Variants in PRMT7 observed in about 807,000 individuals in gnomAD.
The protein encoded by PRMT7 is protein arginine N-methyltransferase 7.
Under a neutral mutation model 85.4 loss-of-function variants are expected in PRMT7, and 75 were observed. The observed-to-expected ratio is 0.88, with a 90% CI of 0.73 to 1.06. PRMT7 has a LOEUF of 1.06. Among genes scored for constraint, PRMT7 ranks in the 50% least tolerant of loss-of-function variants. PRMT7 has a pLI of 0.00. For synonymous variants in PRMT7, 397 were observed against 359.5 expected, an observed-to-expected ratio of 1.10 and a Z score of -1.18; for missense variants, 868 against 915.2, an observed-to-expected ratio of 0.95 and a Z score of 0.67.
rs752785196 is a variant in PRMT7, at chr16:68,355,897, G to A, written c.1811+14G>A. ...GGAGCTCAGAAGGTGGGTGCAGAGA[G>A]GGCTGGGGGGCAGGGAGGGGCTGCT... On this transcript the variant is annotated intron_variant, in intron 17 of 18. Coordinates refer to ENST00000441236, the MANE Select transcript of PRMT7 (RefSeq NM_019023.5). The A allele has an allele frequency of 6.4e-6, 10 of 1,556,342 alleles. No individual in the cohort carries two copies. The highest frequency in any genetic ancestry group is 8.7e-6 in the Non-Finnish European group (10 of 1,151,622).
chr16:68,315,561 C>T, intron 2 of PRMT7: 1 of 244,588 alleles, frequency 4.1e-6, no homozygotes, highest in Non-Finnish European at 8.0e-6. Flanking sequence ...ATCTCTTCTC[C>T]TAGCCTTGAG....
At position 68,329,155 on chromosome 16, in the gene PRMT7, C is replaced by A; in HGVS notation, c.372C>A (p.Thr124=). The change falls in exon 6 of 19, where the codon ACC becomes ACA. Residue 124 remains threonine, a synonymous_variant. Transcript: ENST00000441236. ...DKIKVINKHS[T]EVTVGPEGDM... ...TTAAGGTTATCAACAAGCATTCCAC[C>A]GAGGTGACTGTAGGTCCAGGTGAGA... 6.2e-7 allele frequency: 1 copy of A among 1,601,464 alleles called. No individual in the cohort carries two copies. Among genetic ancestry groups the A allele is most frequent in the South Asian group, 1.1e-5 (1 of 90,728 alleles).
chr16:68,347,618 G>C lies in PRMT7; in HGVS notation c.1276-13G>C. ...TGAATATCTTACAACTAATAGCGTG[G>C]TGTTCCCTCTAGGTGTTTACAGTCG... On this transcript the variant is annotated splice_polypyrimidine_tract_variant and intron_variant, in intron 12 of 18. Coordinates refer to ENST00000441236, the MANE Select transcript of PRMT7 (RefSeq NM_019023.5). The C allele has an allele frequency of 1.2e-6, 2 of 1,611,180 alleles. No individual in the cohort carries two copies. Among genetic ancestry groups the C allele is most frequent in the Non-Finnish European group, 1.7e-6 (2 of 1,177,410 alleles).
intron 1 of PRMT7, chr16:68,311,651 T>C (rs1304110148): frequency 6.6e-6 from 1 of 152,258 alleles, no homozygotes; most frequent in African/African-American, 2.4e-5. Flanking sequence ...GCGGGGGGCT[T>C]CTGCAAAAGT....
rs1474347727 is a variant in PRMT7, at chr16:68,336,267, G to A, written c.392-1192G>A. Among the ~76,000 whole-genome samples the A allele has an allele frequency of 2.6e-5, 4 of 152,302 alleles. No homozygotes were observed. The South Asian group carries it at 8.3e-4, about 32-fold the overall frequency. ...TCTTGGCTCATTAAAAATTATAATT[G>A]TAGAAGTAGCAGTACATTACTGAGG... On this transcript the variant is annotated intron_variant, in intron 6 of 18. Coordinates refer to ENST00000441236, the MANE Select transcript of PRMT7 (RefSeq NM_019023.5).
rs56041186 is a variant in PRMT7 at position 68,348,631 on chromosome 16, C to CTTT, written c.1413+226_1413+228dup. Among the ~76,000 whole-genome samples the CTTT allele has an allele frequency of 1.3e-3, 88 of 67,644 alleles. 5 individuals carry two copies. Among genetic ancestry groups the CTTT allele is most frequent in the African/African-American group, 4.8e-3 (74 of 15,458 alleles). 44.4% of individuals were successfully genotyped at this position (67,644 alleles called of 152,430 possible). On this transcript the variant is annotated intron_variant, in intron 14 of 18. Transcript: ENST00000441236. ...CCGGTGAGCAGATGGTTGCACTGCT[C>CTTT]TTTTTTTTTTTTTTTTTTTTTTTTT...
chr16:68,359,329 G>A (rs920243635), downstream of PRMT7: 1 of 152,430 alleles, frequency 6.6e-6, no homozygotes, highest in Non-Finnish European at 1.5e-5. Context: ...GGAGGGGTGG[G>A]CCGGGCAGAG....
chr16:68,341,246 G>A lies in PRMT7; in HGVS notation c.927+1278G>A, dbSNP rs908141993. On this transcript the variant is annotated intron_variant, in intron 9 of 18. Coordinates refer to ENST00000441236, the MANE Select transcript of PRMT7 (RefSeq NM_019023.5). ...GAAAAGAAAGTGGGAAAGGTGTGTC[G>A]GAATTGCCTGATGGGTTCTTCCCAC... Among the ~76,000 whole-genome samples, 8 of 152,108 alleles carry A rather than the reference G, an allele frequency of 5.3e-5. No homozygotes were observed. In the East Asian group the frequency reaches 1.3e-3, roughly 26 times the overall value.
chr16:68,359,232 G>A (rs907968616), downstream of PRMT7: 3 of 152,460 alleles, frequency 2.0e-5, no homozygotes, highest in Non-Finnish European at 4.4e-5. Flanking sequence ...CGGCCCAGTC[G>A]CTTGTGTGAG....
chr16:68,349,630 A>AT (rs2086975937), intron 14 of PRMT7, among the ~76,000 whole-genome samples: 1 of 152,184 alleles, frequency 6.6e-6, no homozygotes, highest in African/African-American at 2.4e-5. Context: ...ATGGTGGCAC[A>AT]TGTCTGTAAT....
At chr16:68,334,238 T>G (rs1433447370) in intron 6 of PRMT7, among the ~76,000 whole-genome samples, 2 of 152,240 alleles carry the variant, frequency 1.3e-5, no homozygotes, top group East Asian at 3.8e-4. Context: ...GCCTGTCATG[T>G]AAAGGAGTTA....
chr16:68,314,793 G>A (rs1274294739), intron 2 of PRMT7, among the ~76,000 whole-genome samples: 9 of 152,154 alleles, frequency 5.9e-5, no homozygotes, highest in Admixed American at 5.9e-4. Context: ...GACTTTGAGC[G>A]GTGGTGTTTC....
At chr16:68,334,698 A>ACCC (rs1219444235) in intron 6 of PRMT7, among the ~76,000 whole-genome samples, 1 of 151,830 alleles carries the variant, frequency 6.6e-6, no homozygotes, top group Non-Finnish European at 1.5e-5. Context: ...AGACTCCCCC[A>ACCC]CCCCGTGCCC....
intron 6 of PRMT7, among the ~76,000 whole-genome samples, chr16:68,331,906 TC>T (rs1481679905): frequency 2.0e-5 from 3 of 152,248 alleles, no homozygotes; most frequent in Non-Finnish European, 4.4e-5. Context: ...TATCTTCTGT[TC>T]CCACCATCTT....
chr16:68,314,668 G>T (rs910980006), intron 2 of PRMT7, among the ~76,000 whole-genome samples: 2 of 152,210 alleles, frequency 1.3e-5, no homozygotes, highest in Non-Finnish European at 2.9e-5. Flanking sequence ...AAGTTTTCCT[G>T]AAGATGCACC....
Position 68,319,461 on chromosome 16 carries a change from G to A in PRMT7, c.96-1965G>A, listed in dbSNP as rs575408261. ...GAGAGTGATGTCAGTGGAGTGGTGG[G>A]CAGTAAGTGTGAAGAGGCCAGGAAG... On this transcript the variant is annotated intron_variant, in intron 3 of 18. Coordinates refer to ENST00000441236, the MANE Select transcript of PRMT7 (RefSeq NM_019023.5). Among the ~76,000 whole-genome samples, 205 of 152,090 alleles carry A rather than the reference G, an allele frequency of 1.3e-3. 1 individual carries two copies. The highest frequency in any genetic ancestry group is 8.1e-3 in the South Asian group (39 of 4,806).
intron 11 of PRMT7, among the ~76,000 whole-genome samples, chr16:68,346,534 C>T (rs1567719434): frequency 6.6e-6 from 1 of 151,488 alleles, no homozygotes; most frequent in Non-Finnish European, 1.5e-5. Flanking sequence ...TTTGCCTTGT[C>T]AGACACAGTC....
intron 17 of PRMT7, 51 bp from the exon 18 acceptor site, chr16:68,356,650 C>T (rs904984317): frequency 1.9e-5 from 27 of 1,424,532 alleles, no homozygotes; most frequent in African/African-American, 2.8e-5. Context: ...CAGCTGTTCC[C>T]CCGCTGCCTC....
At chr16:68,341,481 C>T (rs1280577247) in intron 9 of PRMT7, among the ~76,000 whole-genome samples, 1 of 152,204 alleles carries the variant, frequency 6.6e-6, no homozygotes, top group Non-Finnish European at 1.5e-5. Flanking sequence ...GCGATCTCAG[C>T]TCACTGCAAC....
Sources: gnomAD v4.1 joint callset for allele counts (sites outside exome capture counted in the v4.1 genomes callset) on GRCh38, gnomAD v4.1.1 for gene constraint, MANE v1.5 for transcripts, NCBI Gene and HGNC (gene_info 2026-07-23, HGNC 2026-07-21) for gene names.